The following CHN2 variants were observed in gnomAD, a reference collection of about 807,000 sequenced individuals.
CHN2 encodes the protein chimerin 2.
Under a neutral mutation model 56.3 loss-of-function variants are expected in CHN2, and 35 were observed. That is an observed-to-expected ratio of 0.62 (90% confidence interval 0.47 to 0.82). The LOEUF is 0.82. Ranked by LOEUF, CHN2 falls within the 40% of genes least tolerant of loss-of-function variation. The pLI, the probability that CHN2 is intolerant of heterozygous loss-of-function variation, is 0.00. For synonymous variants in CHN2, 210 were observed against 212.8 expected (o/e 0.99, Z 0.12); for missense variants, 491 against 580.5 (o/e 0.85, Z 1.58).
At chr7:29,302,500 C>CT (rs70980525) in intron 1 of CHN2, among the ~76,000 whole-genome samples, 1,807 of 117,742 alleles carry the variant, frequency 0.015, 47 homozygotes, top group African/African-American at 0.047. Context: ...AATTTTAATT[C>CT]TTTTTTTTTT....
At chr7:29,260,777 G>A (rs576169197) in intron 1 of CHN2, among the ~76,000 whole-genome samples, 42 of 152,264 alleles carry the variant, frequency 2.8e-4, no homozygotes, top group Non-Finnish European at 4.7e-4. Context: ...CTGGACACCG[G>A]ACCTGTTTTA....
At chr7:29,344,157 G>A (rs945692036) in intron 1 of CHN2, among the ~76,000 whole-genome samples, 7 of 151,852 alleles carry the variant, frequency 4.6e-5, no homozygotes, top group African/African-American at 7.3e-5. Context: ...CATTTTCTCC[G>A]TCTCCACTGC....
rs563613220 is a variant in CHN2 at position 29,334,995 on chromosome 7, T to A, written c.50-19630T>A. ...CATTTCCTAAGTGTTGAGAGATAAG[T>A]TATCTTAATCAGTGGATACCTTTTG... On this transcript the variant is annotated intron_variant, in intron 1 of 12. Coordinates refer to ENST00000222792, the MANE Select transcript of CHN2 (RefSeq NM_004067.4). 2.0e-5 allele frequency among the ~76,000 whole-genome samples: 3 copies of A among 152,354 alleles called. No individual in the cohort carries two copies. The East Asian group carries it at 5.8e-4, about 29-fold the overall frequency.
chr7:29,392,863 G>T (rs4719971), intron 3 of CHN2, among the ~76,000 whole-genome samples: 114,208 of 152,132 alleles, frequency 0.75, 44,597 homozygotes, highest in East Asian at 0.87. Flanking sequence ...GTCATACATA[G>T]AACCATTCAT....
At chr7:29,238,962 G>A (rs1373721067) in intron 1 of CHN2, among the ~76,000 whole-genome samples, 3 of 152,356 alleles carry the variant, frequency 2.0e-5, no homozygotes, top group South Asian at 2.1e-4. Flanking sequence ...TTAGGAGATC[G>A]TGTAGGTCAC....
chr7:29,164,055 G>A (rs1795559645), intron 2 of CHN2, among the ~76,000 whole-genome samples: 1 of 152,184 alleles, frequency 6.6e-6, no homozygotes, highest in African/African-American at 2.4e-5. Flanking sequence ...ATATAGTAGA[G>A]AATGTTTAAC....
In CHN2 at chr7:29,437,597, C is replaced by CAAAAAAAA. The variant is rs11436612; in HGVS notation, c.576+36778_576+36785dup. ...TGGGCGACAGAGCGAGACTCCGTCT[C>CAAAAAAAA]AAAAAAAAAAAAAAAAGATATCTAA... On this transcript the variant is annotated intron_variant, in intron 6 of 12. Transcript: ENST00000222792. Among the ~76,000 whole-genome samples, 50 of 52,600 alleles carry CAAAAAAAA rather than the reference C, an allele frequency of 9.5e-4. 3 individuals carry two copies. The highest frequency in any genetic ancestry group is 3.7e-3 in the African/African-American group (39 of 10,470). The allele number at this position is 52,600 out of a possible 152,430, so 34.5% of individuals were successfully genotyped here. A position where few individuals can be genotyped will look rare whatever the true frequency, so the allele number is the denominator to read the frequency against.
chr7:29,490,723 G>A (rs1788568151), intron 7 of CHN2, among the ~76,000 whole-genome samples: 1 of 152,144 alleles, frequency 6.6e-6, no homozygotes, highest in Admixed American at 6.5e-5. Context: ...TATACTACTG[G>A]TACCAAATGT....
At position 29,439,051 on chromosome 7, in the gene CHN2, A is replaced by G. The variant is rs147220583; in HGVS notation, c.576+38223A>G. Among the ~76,000 whole-genome samples the G allele has an allele frequency of 2.0e-5, 3 of 152,282 alleles. No individual in the cohort carries two copies. The East Asian group carries it at 5.8e-4, about 29-fold the overall frequency. On this transcript the variant is annotated intron_variant, in intron 6 of 12. Coordinates refer to ENST00000222792, the MANE Select transcript of CHN2 (RefSeq NM_004067.4). ...AATGTGACATTTGCCTCATTAACCT[A>G]TTATTCATCCTACAAAACCTACTGT...
At chr7:29,235,646 T>A (rs1787132468) in intron 1 of CHN2, among the ~76,000 whole-genome samples, 1 of 152,194 alleles carries the variant, frequency 6.6e-6, no homozygotes, top group South Asian at 2.1e-4. Flanking sequence ...TAGATGTCTA[T>A]CAACAGCAAA....
chr7:29,377,572 CTGTGTGCT>C (rs1800167391), intron 3 of CHN2, among the ~76,000 whole-genome samples: 2 of 152,238 alleles, frequency 1.3e-5, no homozygotes, highest in Non-Finnish European at 2.9e-5. Context: ...AGTCCATCCT[CTGTGTGCT>C]TAATGAGCAT....
At chr7:29,324,243 C>CTTCTGG (rs1407827237) in intron 1 of CHN2, among the ~76,000 whole-genome samples, 15 of 152,168 alleles carry the variant, frequency 9.9e-5, no homozygotes, top group African/African-American at 3.6e-4. Flanking sequence ...GCGTATCTTA[C>CTTCTGG]AACTTCTGGA....
At chr7:29,182,771 T>C (rs1057478126) in intron 2 of CHN2, among the ~76,000 whole-genome samples, 45 of 152,276 alleles carry the variant, frequency 3.0e-4, no homozygotes, top group African/African-American at 9.9e-4. Context: ...CCAAGGAGAA[T>C]TGGAGGTAGG....
At chr7:29,402,850 A>G (rs1412582681) in intron 6 of CHN2, among the ~76,000 whole-genome samples, 4 of 152,248 alleles carry the variant, frequency 2.6e-5, no homozygotes, top group Non-Finnish European at 5.9e-5. Flanking sequence ...ACCTCAAAAT[A>G]TGCCCCCTTG....
intron 6 of CHN2, among the ~76,000 whole-genome samples, chr7:29,425,694 G>T (rs7793452): frequency 0.78 from 118,777 of 151,986 alleles, 46,696 homozygotes; most frequent in Non-Finnish European, 0.82. Context: ...ATATTGTAAG[G>T]AGGCTATGAT....
chr7:29,206,873 C>T (rs1177417099), intron 1 of CHN2, among the ~76,000 whole-genome samples: 4 of 152,120 alleles, frequency 2.6e-5, no homozygotes, highest in Non-Finnish European at 4.4e-5. Context: ...TGATTCCACG[C>T]ATATGGAACA....
chr7:29,378,731 C>T (rs1281537469), intron 3 of CHN2, among the ~76,000 whole-genome samples: 2 of 152,130 alleles, frequency 1.3e-5, no homozygotes, highest in African/African-American at 2.4e-5. Flanking sequence ...TTTGGGAGGC[C>T]GAGGCAGGCA....
chr7:29,281,163 AT>A (rs542565544), intron 1 of CHN2, among the ~76,000 whole-genome samples: 27 of 152,330 alleles, frequency 1.8e-4, no homozygotes, highest in African/African-American at 6.5e-4. Context: ...TCTGTCCTCA[AT>A]CCACCAGTTC....
At chr7:29,406,335 G>C (rs1266822641) in intron 6 of CHN2, among the ~76,000 whole-genome samples, 1 of 152,102 alleles carries the variant, frequency 6.6e-6, no homozygotes, top group Non-Finnish European at 1.5e-5. Context: ...CTCAGGAGCC[G>C]GGTAGAACTG....
Sources: allele counts gnomAD v4.1 joint callset (sites outside exome capture counted in the v4.1 genomes callset), GRCh38; gene constraint gnomAD v4.1.1; transcripts MANE v1.5; gene names NCBI Gene and HGNC (gene_info 2026-07-23, HGNC 2026-07-21).